Variants in SVIL observed in about 807,000 individuals in gnomAD.
SVIL encodes the protein supervillin, also known as archvillin.
In SVIL, 101 loss-of-function variants were observed where a neutral mutation model predicts 240.4. The observed-to-expected ratio is 0.42, with a 90% CI of 0.36 to 0.50. SVIL has a LOEUF of 0.50. SVIL is among the 20% of genes least tolerant of loss of function. The pLI is 0.01. For synonymous variants in SVIL, 999 were observed against 1,100.0 expected, an observed-to-expected ratio of 0.91 and a Z score of 1.82; for missense variants, 2,512 against 2,818.7, an observed-to-expected ratio of 0.89 and a Z score of 2.46.
intron 1 of SVIL, among the ~76,000 whole-genome samples, chr10:29,696,475 C>G (rs969988050): frequency 1.3e-5 from 2 of 151,272 alleles, no homozygotes; most frequent in South Asian, 2.1e-4. Flanking sequence ...AGGAGCGTCT[C>G]TGCCCGGCTG....
intron 2 of SVIL, among the ~76,000 whole-genome samples, chr10:29,660,173 G>C (rs1055316422): frequency 1.3e-5 from 2 of 152,030 alleles, no homozygotes; most frequent in African/African-American, 4.8e-5. Context: ...TTAAAAATTA[G>C]CTGGGCCTGC....
At chr10:29,667,319 T>C (rs1446124665) in intron 2 of SVIL, among the ~76,000 whole-genome samples, 1 of 152,132 alleles carries the variant, frequency 6.6e-6, no homozygotes, top group African/African-American at 2.4e-5. Flanking sequence ...GAACTGCTAT[T>C]GACACACAAC....
intron 1 of SVIL, among the ~76,000 whole-genome samples, chr10:29,717,384 A>C (rs546390217): frequency 6.6e-6 from 1 of 152,086 alleles, no homozygotes; most frequent in African/African-American, 2.4e-5. Context: ...AGGCAGGAGA[A>C]TTTATGTCAA....
chr10:29,554,858 A>G lies in SVIL; in HGVS notation c.85T>C (p.Leu29=), dbSNP rs1323589218. ...QPILLQSCTG[L]VTHRLLEEDT... The stretch of plus-strand genomic sequence containing the variant: ...TCCTCCAGCAGGCGGTGAGTCACCA[A>G]TCCTGTGCAGCTCTGCAAGAGGATG... Residue 29 remains leucine, a synonymous_variant, in exon 5 of 38, where the codon TTG becomes CTG. Coordinates refer to ENST00000355867, the MANE Select transcript of SVIL (RefSeq NM_021738.3). The G allele has an allele frequency of 5.6e-6, 9 of 1,613,834 alleles. No individual in the cohort carries two copies. The highest frequency in any genetic ancestry group is 7.6e-6 in the Non-Finnish European group (9 of 1,179,932).
intron 1 of SVIL, among the ~76,000 whole-genome samples, chr10:29,610,239 C>T (rs571338328): frequency 2.6e-5 from 4 of 152,252 alleles, no homozygotes; most frequent in South Asian, 2.1e-4. Flanking sequence ...TTTCCCTCCT[C>T]GCTGCCATCA....
intron 1 of SVIL, among the ~76,000 whole-genome samples, chr10:29,593,257 C>A (rs1381408028): frequency 1.3e-5 from 2 of 152,176 alleles, no homozygotes; most frequent in African/African-American, 4.8e-5. Context: ...CAAGACACAG[C>A]CTGTCCCACA....
chr10:29,643,248 C>T (rs954060850), intron 3 of SVIL, among the ~76,000 whole-genome samples: 1 of 152,232 alleles, frequency 6.6e-6, no homozygotes, highest in African/African-American at 2.4e-5. Context: ...CAACAACACT[C>T]TCTGTCTCCT....
chr10:29,693,657 A>G (rs2132620504), intron 1 of SVIL, among the ~76,000 whole-genome samples: 1 of 152,162 alleles, frequency 6.6e-6, no homozygotes, highest in East Asian at 1.9e-4. Context: ...CACACACACA[A>G]GACACCTGCA....
rs774699485 is a variant in SVIL, at chr10:29,463,606, C to T, written c.6163G>A (p.Val2055Met). 8.7e-6 allele frequency: 14 copies of T among 1,614,014 alleles called. No individual in the cohort carries two copies. The highest frequency in any genetic ancestry group is 1.7e-5 in the Admixed American group (1 of 60,002). ...ALFLVDNHHE[V>M]YLWQGWWPIE... ...GGCCACCAGCCTTGCCAGAGGTACACCTCGTGGTGATTGTCAACAAGGAAA... is the reference window on the plus strand; with the variant it reads ...GGCCACCAGCCTTGCCAGAGGTACATCTCGTGGTGATTGTCAACAAGGAAA... Residue 2055 changes from valine to methionine, a missense_variant, in exon 35 of 38, where the codon GTG (valine) becomes ATG (methionine). Val to Met is a conservative substitution (Grantham distance 21). Coordinates refer to ENST00000355867, the MANE Select transcript of SVIL (RefSeq NM_021738.3).
At chr10:29,645,332 G>A (rs1305280548) in intron 3 of SVIL, among the ~76,000 whole-genome samples, 1 of 152,200 alleles carries the variant, frequency 6.6e-6, no homozygotes, top group African/African-American at 2.4e-5. Flanking sequence ...CATTTTGGGA[G>A]GCCGAGGCGA....
At chr10:29,600,940 T>C (rs983918603) in intron 1 of SVIL, among the ~76,000 whole-genome samples, 7 of 152,228 alleles carry the variant, frequency 4.6e-5, no homozygotes, top group African/African-American at 1.7e-4. Context: ...AACAACTCGC[T>C]TCTAGAAGTC....
intron 1 of SVIL, among the ~76,000 whole-genome samples, chr10:29,698,709 GAAAA>G (rs71909536): frequency 6.9e-6 from 1 of 144,294 alleles, no homozygotes. Context: ...ATTACTCCAG[GAAAA>G]AAAAAAAAAA....
At chr10:29,670,665 T>A (rs1460301588) in intron 2 of SVIL, among the ~76,000 whole-genome samples, 1 of 149,180 alleles carries the variant, frequency 6.7e-6, no homozygotes, top group Non-Finnish European at 1.5e-5. Flanking sequence ...AACTCTGAGT[T>A]TTTATGAAGC....
chr10:29,668,796 G>A lies in SVIL; in HGVS notation c.-300-10728C>T, dbSNP rs142655613. On this transcript the variant is annotated intron_variant, in intron 2 of 35. Transcript: ENST00000375400. Reference sequence around the variant, plus strand: ...GCCAAATCTAAGATAAATCTTGACCGTCAAATGGCAAACCTTTAGTGGAGC... The same window carrying A: ...GCCAAATCTAAGATAAATCTTGACCATCAAATGGCAAACCTTTAGTGGAGC... Among the ~76,000 whole-genome samples, 489 of 152,198 alleles carry A rather than the reference G, an allele frequency of 3.2e-3. 1 individual carries two copies. The highest frequency in any genetic ancestry group is 0.01 in the African/African-American group (428 of 41,530).
chr10:29,640,588 C>T (rs141567365), intron 3 of SVIL, among the ~76,000 whole-genome samples: 45 of 152,214 alleles, frequency 3.0e-4, no homozygotes, highest in African/African-American at 1.1e-3. Context: ...CAAGCTACAC[C>T]CGTCATCTCC....
intron 6 of SVIL, among the ~76,000 whole-genome samples, chr10:29,536,659 C>A (rs937459149): frequency 1.3e-5 from 2 of 151,996 alleles, no homozygotes; most frequent in African/African-American, 2.4e-5. Flanking sequence ...CCTGTAATCC[C>A]AGCACTTTGG....
intron 1 of SVIL, among the ~76,000 whole-genome samples, chr10:29,716,454 A>C (rs1963616864): frequency 6.6e-6 from 1 of 152,234 alleles, no homozygotes; most frequent in South Asian, 2.1e-4. Flanking sequence ...CAAGAAAAAA[A>C]GAGACAGGAG....
In SVIL at chr10:29,493,634, C is replaced by A. The variant is rs143814280; in HGVS notation, c.3842-243G>T. ...GGAGGCTGACCATACTGCACACACGCGCCCACTGAACGCTTCTGAACCTGC... is the reference window on the plus strand; with the variant it reads ...GGAGGCTGACCATACTGCACACACGAGCCCACTGAACGCTTCTGAACCTGC... On this transcript the variant is annotated intron_variant, in intron 20 of 37. Transcript: ENST00000355867. Among the ~76,000 whole-genome samples, 1,339 of 152,118 alleles carry A rather than the reference C, an allele frequency of 8.8e-3. 24 individuals carry two copies. Among genetic ancestry groups the A allele is most frequent in the African/African-American group, 0.031 (1,296 of 41,500 alleles).
At chr10:29,591,765 A>G (rs1439795391) in intron 1 of SVIL, among the ~76,000 whole-genome samples, 1 of 152,226 alleles carries the variant, frequency 6.6e-6, no homozygotes, top group East Asian at 1.9e-4. Flanking sequence ...AGCTTATGTC[A>G]TCGGCCTTGC....
Sources: allele counts gnomAD v4.1 joint callset (sites outside exome capture counted in the v4.1 genomes callset), GRCh38; gene constraint gnomAD v4.1.1; transcripts MANE v1.5; gene names NCBI Gene and HGNC (gene_info 2026-07-23, HGNC 2026-07-21).